The following NDST4 variants were observed in gnomAD, a reference collection of about 807,000 sequenced individuals.
The protein encoded by NDST4 is N-deacetylase and N-sulfotransferase 4.
A neutral mutation model predicts 100.8 loss-of-function variants in NDST4; 63 were observed. The ratio of observed to expected loss-of-function variants is 0.62; its 90% confidence interval spans 0.51 to 0.77. The LOEUF (loss-of-function observed/expected upper bound fraction) is 0.77. Among genes scored for constraint, NDST4 ranks in the 30% least tolerant of loss-of-function variants. The pLI is 0.00. For missense variants in NDST4, 943 were observed against 1,018.4 expected (o/e 0.93, Z 1.01); for synonymous variants, 377 against 361.8 (o/e 1.04, Z -0.48).
At chr4:115,051,950 C>A (rs1395021860) in intron 2 of NDST4, among the ~76,000 whole-genome samples, 3 of 152,124 alleles carry the variant, frequency 2.0e-5, no homozygotes, top group African/African-American at 7.2e-5. Flanking sequence ...GACATATCCA[C>A]ATCAGATTTT....
At chr4:114,987,002 A>G (rs1169613829) in intron 2 of NDST4, among the ~76,000 whole-genome samples, 2 of 151,642 alleles carry the variant, frequency 1.3e-5, no homozygotes, top group Non-Finnish European at 2.9e-5. Flanking sequence ...AAAATAACTC[A>G]TATTTCCTAA....
chr4:115,022,421 T>TATATATATGTGTTCCATATATGTGTTCC (rs1560570141), intron 2 of NDST4, among the ~76,000 whole-genome samples: 21 of 101,324 alleles, frequency 2.1e-4, no homozygotes, highest in Non-Finnish European at 4.4e-4. Context: ...ATGTGTTCCA[T>TATATATATGTGTTCCATATATGTGTTCC]ATATATGTGT....
intron 1 of NDST4, among the ~76,000 whole-genome samples, chr4:115,107,093 G>C (rs1282254619): frequency 6.6e-6 from 1 of 152,078 alleles, no homozygotes; most frequent in Non-Finnish European, 1.5e-5. Context: ...AGGAGTTTGA[G>C]GTTGTAGTAT....
At chr4:115,010,057 G>T (rs1489834544) in intron 2 of NDST4, among the ~76,000 whole-genome samples, 1 of 114,858 alleles carries the variant, frequency 8.7e-6, no homozygotes, top group Non-Finnish European at 1.8e-5. Context: ...AGAGGATGTG[G>T]AGAAATAGGA....
At chr4:115,108,946 AGGAAGGAG>A (rs1304573516) in intron 1 of NDST4, among the ~76,000 whole-genome samples, 1 of 151,664 alleles carries the variant, frequency 6.6e-6, no homozygotes, top group Non-Finnish European at 1.5e-5. Context: ...ATGGAAATAA[AGGAAGGAG>A]GGAAAAAGGG....
At chr4:114,920,217 T>C (rs1725260494) in intron 6 of NDST4, among the ~76,000 whole-genome samples, 1 of 152,298 alleles carries the variant, frequency 6.6e-6, no homozygotes, top group South Asian at 2.1e-4. Context: ...GGCAGTGTGA[T>C]ATATTTAATT....
chr4:115,106,396 A>T (rs933662511), intron 1 of NDST4, among the ~76,000 whole-genome samples: 3 of 152,088 alleles, frequency 2.0e-5, no homozygotes, highest in Non-Finnish European at 4.4e-5. Flanking sequence ...TAAAAAAGAA[A>T]CAGTCATCTC....
At chr4:115,049,883 T>A (rs541067868) in intron 2 of NDST4, among the ~76,000 whole-genome samples, 4 of 152,158 alleles carry the variant, frequency 2.6e-5, no homozygotes, top group Non-Finnish European at 4.4e-5. Flanking sequence ...ATAATCAATT[T>A]GTAGTTTTGC....
chr4:114,937,808 G>A (rs1578400698), intron 4 of NDST4, among the ~76,000 whole-genome samples: 1 of 151,584 alleles, frequency 6.6e-6, no homozygotes, highest in East Asian at 1.9e-4. Context: ...AATGTGGGGG[G>A]CGGGGAAAGG....
At chr4:115,004,161 A>G (rs1442162008) in intron 2 of NDST4, among the ~76,000 whole-genome samples, 1 of 152,182 alleles carries the variant, frequency 6.6e-6, no homozygotes, top group Admixed American at 6.5e-5. Context: ...TCAAATAGGA[A>G]AAAATACCCA....
intron 6 of NDST4, among the ~76,000 whole-genome samples, chr4:114,916,782 A>C (rs1260820314): frequency 1.3e-5 from 2 of 149,914 alleles, no homozygotes; most frequent in Non-Finnish European, 3.0e-5. Flanking sequence ...CCACCCTCCC[A>C]CCTCAGCCTT....
At chr4:115,006,159 GAC>G (rs1337354380) in intron 2 of NDST4, among the ~76,000 whole-genome samples, 2 of 151,488 alleles carry the variant, frequency 1.3e-5, no homozygotes, top group African/African-American at 4.8e-5. Flanking sequence ...AGCCTGGAAA[GAC>G]AACACAAAAC....
chr4:114,938,631 A>G (rs538372703), intron 4 of NDST4, among the ~76,000 whole-genome samples: 1 of 152,234 alleles, frequency 6.6e-6, no homozygotes, highest in Non-Finnish European at 1.5e-5. Flanking sequence ...TATATTTTCC[A>G]TTATATGGTA....
At chr4:114,885,657 C>A (rs952710624) in intron 6 of NDST4, among the ~76,000 whole-genome samples, 1 of 151,902 alleles carries the variant, frequency 6.6e-6, no homozygotes, top group African/African-American at 2.4e-5. Context: ...AATATTTTTT[C>A]AATGAAAGGT....
chr4:114,848,477 T>C (rs1723603230), intron 8 of NDST4, 139 bp from the exon 9 acceptor site: 1 of 624,290 alleles, frequency 1.6e-6, no homozygotes, highest in East Asian at 2.8e-5. Flanking sequence ...ATCAACTAGA[T>C]GCATTCCATG....
chr4:114,979,768 T>A (rs1318977211), intron 2 of NDST4, among the ~76,000 whole-genome samples: 1 of 151,962 alleles, frequency 6.6e-6, no homozygotes, highest in African/African-American at 2.4e-5. Context: ...AAAAGAGCTA[T>A]CTAGTCATGG....
intron 1 of NDST4, among the ~76,000 whole-genome samples, chr4:115,092,899 A>T (rs1222159259): frequency 1.3e-5 from 2 of 152,208 alleles, no homozygotes; most frequent in Non-Finnish European, 2.9e-5. Context: ...TTATCTTTCA[A>T]AAACAAAAAT....
intron 1 of NDST4, among the ~76,000 whole-genome samples, chr4:115,104,782 T>C (rs538288847): frequency 6.6e-6 from 1 of 152,216 alleles, no homozygotes; most frequent in African/African-American, 2.4e-5. Context: ...GTGACTTAGA[T>C]CATTATCTCC....
At chr4:115,060,766 T>A (rs1728802962) in intron 2 of NDST4, among the ~76,000 whole-genome samples, 1 of 151,864 alleles carries the variant, frequency 6.6e-6, no homozygotes, top group Admixed American at 6.6e-5. Context: ...CACAGAGAGA[T>A]ACACAAAGTT....
Sources: gnomAD v4.1 joint callset for allele counts (sites outside exome capture counted in the v4.1 genomes callset) on GRCh38, gnomAD v4.1.1 for gene constraint, MANE v1.5 for transcripts, NCBI Gene and HGNC (gene_info 2026-07-23, HGNC 2026-07-21) for gene names.